NUP133: variants seen among roughly 807,000 people sequenced by gnomAD.
NUP133 encodes nucleoporin 133, also known as nuclear pore complex protein Nup133.
Under a neutral mutation model 146.2 loss-of-function variants are expected in NUP133, and 66 were observed. That is an observed-to-expected ratio of 0.45 (90% CI 0.37 to 0.55). The LOEUF (loss-of-function observed/expected upper bound fraction) is 0.55. Among genes scored for constraint, NUP133 ranks in the 20% least tolerant of loss-of-function variants. The probability of loss-of-function intolerance (pLI) is 0.00; values close to 1 mark genes in which losing one functional copy is unlikely to be tolerated. For missense variants in NUP133, 1,277 were observed against 1,374.8 expected, an observed-to-expected ratio of 0.93 and a Z score of 1.12; for synonymous variants, 521 against 498.8, an observed-to-expected ratio of 1.04 and a Z score of -0.59.
intron 12 of NUP133, among the ~76,000 whole-genome samples, chr1:229,479,685 A>T (rs537751190): frequency 1.4e-4 from 22 of 152,126 alleles, no homozygotes; most frequent in African/African-American, 5.3e-4. Flanking sequence ...ATACGTTGAA[A>T]CTCAAGTGCC....
intron 1 of NUP133, among the ~76,000 whole-genome samples, chr1:229,507,168 G>A (rs1020914577): frequency 2.0e-5 from 3 of 151,892 alleles, no homozygotes; most frequent in Non-Finnish European, 4.4e-5. Context: ...TTCGCAAAAG[G>A]AATAGAAAAC....
intron 25 of NUP133, among the ~76,000 whole-genome samples, chr1:229,444,010 G>C (rs909321059): frequency 1.3e-5 from 2 of 150,652 alleles, no homozygotes; most frequent in African/African-American, 4.9e-5. Flanking sequence ...CAAAGTGTGA[G>C]CCACTGCACC....
Position 229,464,721 on chromosome 1 carries a change from A to C in NUP133, c.2454T>G (p.Ser818=), listed in dbSNP as rs906067777. The stretch of plus-strand genomic sequence containing the variant: ...TGGATTTATCCACAGACTTAAGCTG[A>C]GAAACATAACCATCCAGGAAGCAAT... ...LIDCFLDGYV[S]QLKSVDKSSN... The change falls in exon 18 of 26, where the codon TCT becomes TCG. Residue 818 remains serine (S), a synonymous_variant. Transcript: ENST00000261396. 3.7e-6 allele frequency: 6 copies of C among 1,614,102 alleles called. No homozygotes were observed. In the African/African-American group the frequency reaches 8.0e-5, roughly 22 times the overall value.
intron 2 of NUP133, among the ~76,000 whole-genome samples, chr1:229,505,101 G>A (rs1661900696): frequency 6.6e-6 from 1 of 152,116 alleles, no homozygotes; most frequent in South Asian, 2.1e-4. Flanking sequence ...TGTGACCCAA[G>A]ACAATTCTTC....
In NUP133 at chr1:229,475,875, C is replaced by T. The variant is rs375844996; in HGVS notation, c.1757-143G>A. 336 of 620,130 alleles carry T rather than the reference C, an allele frequency of 5.4e-4. 3 individuals carry two copies. The highest frequency in any genetic ancestry group is 5.1e-3 in the East Asian group (183 of 35,798). 38.4% of individuals were successfully genotyped at this position (620,130 alleles called of 1,614,324 possible). ...CTGTAATCCGAGCACTTTGGGAGGT[C>T]GAGGTGGGCAGATCACGAGGTCAAG... On this transcript the variant is annotated intron_variant, in intron 13 of 25. Transcript: ENST00000261396.
chr1:229,465,539 G>GTTA lies in NUP133; in HGVS notation c.2200-23_2200-21dup, dbSNP rs1558094764. The GTTA allele has an allele frequency of 2.6e-5, 39 of 1,516,052 alleles. No homozygotes were observed. The highest frequency in any genetic ancestry group is 3.0e-5 in the Non-Finnish European group (33 of 1,091,468). 93.9% of individuals were successfully genotyped at this position (1,516,052 alleles called of 1,614,324 possible). ...CATATCCTGGAAAAAAAGTTAATGT[G>GTTA]TTATCACATGCAAAAGGTGATGGAT... On this transcript the variant is annotated intron_variant, in intron 16 of 25. Coordinates refer to ENST00000261396, the MANE Select transcript of NUP133 (RefSeq NM_018230.3).
At chr1:229,486,883 A>G (rs1444019189) in intron 10 of NUP133, among the ~76,000 whole-genome samples, 1 of 144,596 alleles carries the variant, frequency 6.9e-6, no homozygotes, top group Non-Finnish European at 1.5e-5. Flanking sequence ...TTAACTTACC[A>G]CATCAGTCAA....
At chr1:229,501,420 A>T (rs903993585) in intron 3 of NUP133, among the ~76,000 whole-genome samples, 10 of 152,222 alleles carry the variant, frequency 6.6e-5, no homozygotes, top group African/African-American at 2.4e-4. Context: ...AATTGAGGTA[A>T]GCAGGAGCCC....
Position 229,450,540 on chromosome 1 carries a change from C to CA in NUP133, c.3164dup (p.Leu1055PhefsTer5), listed in dbSNP as rs1275198519. The CA allele has an allele frequency of 1.3e-6, 2 of 1,580,808 alleles. No homozygotes were observed. Among genetic ancestry groups the CA allele is most frequent in the Non-Finnish European group, 1.7e-6 (2 of 1,155,810 alleles). On this transcript the variant is annotated frameshift_variant, in exon 23 of 26. Transcript: ENST00000261396. LOFTEE classifies it high-confidence loss of function. Reference sequence around the variant, plus strand: ...TTTTACTTACCTCATCAATATATTCCAACAAGTCCAAAGCTTTCTTGAAAT... The same window carrying CA: ...TTTTACTTACCTCATCAATATATTCCAAACAAGTCCAAAGCTTTCTTGAAAT...
intron 21 of NUP133, among the ~76,000 whole-genome samples, chr1:229,457,785 T>C (rs553893338): frequency 1.2e-4 from 19 of 152,334 alleles, no homozygotes; most frequent in African/African-American, 4.3e-4. Context: ...ATCTACAATA[T>C]ACACAAAATA....
chr1:229,499,854 A>G, intron 4 of NUP133, 36 bp from the exon 5 acceptor site: 2 of 1,587,166 alleles, frequency 1.3e-6, no homozygotes, highest in South Asian at 1.1e-5. Flanking sequence ...CAATCACAAT[A>G]AAAGAGGAAC....
chr1:229,477,326 G>C (rs1661101141), intron 13 of NUP133, among the ~76,000 whole-genome samples: 1 of 151,694 alleles, frequency 6.6e-6, no homozygotes, highest in Admixed American at 6.6e-5. Context: ...TGTAGTCCCA[G>C]CTACTCGGGA....
chr1:229,497,421 T>C (rs1031863863), intron 6 of NUP133, among the ~76,000 whole-genome samples: 1 of 152,218 alleles, frequency 6.6e-6, no homozygotes, highest in Non-Finnish European at 1.5e-5. Context: ...AAATTTGTTT[T>C]TAAACATGTT....
intron 15 of NUP133, among the ~76,000 whole-genome samples, chr1:229,467,070 A>C (rs7515662): frequency 0.16 from 23,987 of 152,178 alleles, 2,062 homozygotes; most frequent in Middle Eastern, 0.23. Context: ...TACAGATGAC[A>C]TCACTTTACA....
intron 11 of NUP133, among the ~76,000 whole-genome samples, chr1:229,486,085 C>A (rs1407734350): frequency 6.6e-6 from 1 of 152,086 alleles, no homozygotes; most frequent in Admixed American, 6.6e-5. Flanking sequence ...CTGCTTGATC[C>A]CGGGAGGTTG....
Position 229,490,019 on chromosome 1 carries a change from T to C in NUP133, c.1130A>G (p.Asp377Gly), listed in dbSNP as rs773518796. Reference protein sequence around the residue: ...LIYYSLITIEDNGCQMSDAVT... With the variant: ...LIYYSLITIEGNGCQMSDAVT... ...TGCATCTGACATTTGGCAACCATTA[T>C]CTTCTATTGTTATCAGAGAGTAATA... The change falls in exon 9 of 26, where the codon GAT becomes GGT. Residue 377 changes from aspartate (D) to glycine (G), a missense_variant. Transcript: ENST00000261396. The C allele has an allele frequency of 6.2e-7, 1 of 1,611,920 alleles. No homozygotes were observed. The highest frequency in any genetic ancestry group is 1.3e-5 in the African/African-American group (1 of 75,024).
In NUP133 at chr1:229,508,198, C is replaced by T; in HGVS notation, c.52G>A (p.Gly18Ser). 6.4e-7 allele frequency: 1 copy of T among 1,566,574 alleles called. No individual in the cohort carries two copies. The highest frequency in any genetic ancestry group is 1.4e-5 in the African/African-American group (1 of 72,786). Residue 18 changes from glycine (G) to serine (S), a missense_variant, in exon 1 of 26, where the codon GGC becomes AGC. By Grantham distance (56) the Gly-to-Ser change is moderately conservative. Around this residue, in one of 3 missense-constraint regions of NUP133, gnomAD observed 319 missense variants for 306.9 expected, o/e 1.04. Coordinates refer to ENST00000261396, the MANE Select transcript of NUP133 (RefSeq NM_018230.3). ...CCGGGCCCGAGTCCGGCCAGCGGGC[C>T]CCTTCGGGACCCGGTACCCGGGGTC... is the stretch of plus-strand genomic sequence containing the variant. The part of the protein sequence containing the change: ...PRTPGTGSRR[G>S]PLAGLGPGST...
intron 15 of NUP133, among the ~76,000 whole-genome samples, chr1:229,467,493 C>T (rs1660851776): frequency 6.6e-6 from 1 of 152,198 alleles, no homozygotes; most frequent in Non-Finnish European, 1.5e-5. Context: ...CAAAATCCCT[C>T]CCTTTTGCAA....
At chr1:229,478,988 G>C (rs772255858) in intron 12 of NUP133, among the ~76,000 whole-genome samples, 1 of 152,176 alleles carries the variant, frequency 6.6e-6, no homozygotes, top group African/African-American at 2.4e-5. Flanking sequence ...CTGATGTACA[G>C]TAGTCCCCTC....
Sources: allele counts gnomAD v4.1 joint callset (sites outside exome capture counted in the v4.1 genomes callset), GRCh38; gene constraint gnomAD v4.1.1; regional missense constraint gnomAD v4.1.1; transcripts MANE v1.5; gene names NCBI Gene and HGNC (gene_info 2026-07-23, HGNC 2026-07-21).